Variants in ENOX2 observed in about 807,000 individuals in gnomAD.
ENOX2 encodes ecto-NOX disulfide-thiol exchanger 2, also known as APK1 antigen.
ENOX2 carries 36 observed loss-of-function variants against 45.0 expected under a neutral mutation model. That is an observed-to-expected ratio of 0.80 (90% CI 0.61 to 1.06). The LOEUF (loss-of-function observed/expected upper bound fraction) is 1.06. Ranked by LOEUF, ENOX2 falls within the 50% of genes least tolerant of loss-of-function variation. ENOX2 has a pLI of 0.00. For synonymous variants in ENOX2, 174 were observed against 152.3 expected (o/e 1.14, Z -1.05); for missense variants, 423 against 462.5 (o/e 0.91, Z 0.78).
intron 3 of ENOX2, among the ~76,000 whole-genome samples, chrX:130,762,656 G>A (rs186713028): frequency 6.2e-5 from 7 of 112,028 alleles, no homozygotes; most frequent in Admixed American, 1.9e-4. Context: ...CAAGTCTTTG[G>A]AGATTTTCCT....
intron 2 of ENOX2, among the ~76,000 whole-genome samples, chrX:130,884,429 G>A (rs2078869222): frequency 1.8e-5 from 2 of 111,472 alleles, no homozygotes; most frequent in South Asian, 7.6e-4. Flanking sequence ...CTGAAGAAGA[G>A]TTGTCTATGG....
At chrX:130,705,693 T>G (rs2038018360) in intron 3 of ENOX2, among the ~76,000 whole-genome samples, 1 of 111,699 alleles carries the variant, frequency 9.0e-6, no homozygotes, top group South Asian at 3.8e-4. Flanking sequence ...CTACCTTGTT[T>G]ATGAAACTGA....
At chrX:130,849,240 G>T (rs1013215923) in intron 2 of ENOX2, among the ~76,000 whole-genome samples, 2 of 112,369 alleles carry the variant, frequency 1.8e-5, no homozygotes, top group Non-Finnish European at 3.8e-5. Flanking sequence ...GGATTTAAGT[G>T]GCAGCTTAAG....
chrX:130,800,109 T>A (rs868042877), intron 2 of ENOX2, among the ~76,000 whole-genome samples: 1 of 110,846 alleles, frequency 9.0e-6, no homozygotes, highest in African/African-American at 3.3e-5. Flanking sequence ...ATGCCCAGTA[T>A]GGTAGGAATA....
rs201475438 is a variant in ENOX2, at chrX:130,709,258, C to T, written c.-38-6004G>A. The T allele has an allele frequency of 2.4e-4, 294 of 1,205,522 alleles. 1 individual carries two copies. Among genetic ancestry groups the T allele is most frequent in the Non-Finnish European group, 6.3e-5 (56 of 891,384 alleles). On this transcript the variant is annotated intron_variant, in intron 3 of 14. Coordinates refer to ENST00000394363, the MANE Select transcript of ENOX2 (RefSeq NM_006375.4). Reference sequence around the variant, plus strand: ...TGGGGCTTACCTGCATAGCCTATTTCGTAGACCCACAGCCATCTAAAATCT... The same window carrying T: ...TGGGGCTTACCTGCATAGCCTATTTTGTAGACCCACAGCCATCTAAAATCT...
chrX:130,666,530 T>C (rs1345548862), intron 8 of ENOX2, among the ~76,000 whole-genome samples: 1 of 111,675 alleles, frequency 9.0e-6, no homozygotes, highest in Admixed American at 9.5e-5. Context: ...GTGTTCACAG[T>C]AAGAAAATCC....
chrX:130,639,690 A>C (rs2036028017), intron 10 of ENOX2, among the ~76,000 whole-genome samples: 1 of 111,910 alleles, frequency 8.9e-6, no homozygotes, highest in African/African-American at 3.3e-5. Context: ...TTAAAGAAAA[A>C]ATTAGACAAC....
chrX:130,703,512 T>TTC (rs59009662), intron 3 of ENOX2, among the ~76,000 whole-genome samples: 4,931 of 105,408 alleles, frequency 0.047, 307 homozygotes, highest in African/African-American at 0.15. Context: ...CCTTTCTTCC[T>TTC]TCTCTCTCTC....
rs1394908797 is a variant in ENOX2 at position 130,783,622 on chromosome X, G to A, written c.-114C>T. ...TCAATGAGGCCTTCTGTGACCAGAG[G>A]GCCACTGGCACTACCAAACTGCAGG... is the stretch of plus-strand genomic sequence containing the variant. On this transcript the variant is annotated 5_prime_UTR_variant, in exon 3 of 15. Transcript: ENST00000394363. 1 of 327,446 alleles carries A rather than the reference G, an allele frequency of 3.1e-6. No homozygotes were observed. The highest frequency in any genetic ancestry group is 5.9e-6 in the Non-Finnish European group (1 of 169,092). The allele number at this position is 327,446 out of a possible 1,213,427, so 27.0% of individuals were successfully genotyped here.
rs5977334 is a variant in ENOX2, at chrX:130,647,846, A to G, written c.1129+8735T>C. Among the ~76,000 whole-genome samples, 957 of 110,048 alleles carry G rather than the reference A, an allele frequency of 8.7e-3. 12 individuals are homozygous for G. Among genetic ancestry groups the G allele is most frequent in the African/African-American group, 0.03 (906 of 30,165 alleles). ...AATATTTCCTTAACTTCCTACTACTACCTCTTATACTCATCTCCCAAAATA... is the reference window on the plus strand; with the variant it reads ...AATATTTCCTTAACTTCCTACTACTGCCTCTTATACTCATCTCCCAAAATA... On this transcript the variant is annotated intron_variant, in intron 10 of 14. Transcript: ENST00000394363.
intron 2 of ENOX2, among the ~76,000 whole-genome samples, chrX:130,862,135 G>A (rs1159002523): frequency 2.7e-5 from 3 of 111,258 alleles, no homozygotes; most frequent in Non-Finnish European, 3.8e-5. Flanking sequence ...CAATTACAAG[G>A]TATTTACTTA....
chrX:130,692,388 A>G (rs1160956456), intron 4 of ENOX2, among the ~76,000 whole-genome samples: 1 of 112,900 alleles, frequency 8.9e-6, no homozygotes, highest in African/African-American at 3.2e-5. Context: ...TCAAAGTTTC[A>G]AAGATTTGAA....
At chrX:130,807,550 G>C (rs907708793) in intron 2 of ENOX2, among the ~76,000 whole-genome samples, 1 of 111,557 alleles carries the variant, frequency 9.0e-6, no homozygotes, top group African/African-American at 3.3e-5. Context: ...TCCAGCACTA[G>C]ACCCCAGTCT....
intron 7 of ENOX2, among the ~76,000 whole-genome samples, chrX:130,669,519 C>T (rs983622193): frequency 3.6e-5 from 4 of 112,032 alleles, no homozygotes; most frequent in African/African-American, 1.3e-4. Flanking sequence ...CCTCCATTTT[C>T]TCATCTTTAA....
intron 6 of ENOX2, among the ~76,000 whole-genome samples, chrX:130,674,685 G>A (rs2037086476): frequency 9.1e-6 from 1 of 109,503 alleles, no homozygotes; most frequent in South Asian, 4.0e-4. Flanking sequence ...AGTCACATAT[G>A]TATACATGTG....
chrX:130,689,092 C>T, intron 4 of ENOX2, 74 bp from the exon 5 acceptor site: 4 of 950,747 alleles, frequency 4.2e-6, no homozygotes, highest in Non-Finnish European at 5.8e-6. Context: ...ACTTTGTAAG[C>T]TTCAAATCAA....
At chrX:130,784,708 C>A (rs2076943432) in intron 2 of ENOX2, among the ~76,000 whole-genome samples, 1 of 107,991 alleles carries the variant, frequency 9.3e-6, no homozygotes, top group South Asian at 4.3e-4. Flanking sequence ...CTGCCTCAGC[C>A]CCCCTAGTAG....
chrX:130,694,606 T>C (rs1400976723), intron 4 of ENOX2, among the ~76,000 whole-genome samples: 2 of 102,207 alleles, frequency 2.0e-5, no homozygotes, highest in African/African-American at 3.6e-5. Flanking sequence ...TTTTCTTTTT[T>C]TTTTTTTTTT....
chrX:130,864,676 T>G (rs190887081), intron 2 of ENOX2, among the ~76,000 whole-genome samples: 94 of 112,168 alleles, frequency 8.4e-4, no homozygotes, highest in South Asian at 2.2e-3. Context: ...TGGCTACTCA[T>G]GCCAAAACTG....
Sources: allele counts gnomAD v4.1 joint callset (sites outside exome capture counted in the v4.1 genomes callset), GRCh38; gene constraint gnomAD v4.1.1; transcripts MANE v1.5; gene names NCBI Gene and HGNC (gene_info 2026-07-23, HGNC 2026-07-21).